The following GFRA3 variants were observed in gnomAD, a reference collection of about 807,000 sequenced individuals.
GFRA3 encodes the protein GDNF family receptor alpha-3.
Under a neutral mutation model 40.0 loss-of-function variants are expected in GFRA3, and 24 were observed. The ratio of observed to expected loss-of-function variants is 0.60; its 90% CI spans 0.43 to 0.84. The LOEUF (loss-of-function observed/expected upper bound fraction) is 0.84. Ranked by LOEUF, GFRA3 falls within the 40% of genes least tolerant of loss-of-function variation. The probability of loss-of-function intolerance (pLI) is 0.00; values close to 1 mark genes in which losing one functional copy is unlikely to be tolerated. For synonymous variants in GFRA3, 203 were observed against 213.5 expected, an observed-to-expected ratio of 0.95 and a Z score of 0.43; for missense variants, 405 against 530.6, an observed-to-expected ratio of 0.76 and a Z score of 2.33.
chr5:138,265,206 C>CTTT (rs56317441), intron 1 of GFRA3, among the ~76,000 whole-genome samples: 1 of 50,548 alleles, frequency 2.0e-5, no homozygotes, highest in Non-Finnish European at 3.4e-5. Flanking sequence ...TCTAGGAGAA[C>CTTT]TTTTTTTTTT....
chr5:138,258,203 G>C, intron 3 of GFRA3, among the ~76,000 whole-genome samples: 1 of 71,332 alleles, frequency 1.4e-5, no homozygotes, highest in African/African-American at 5.7e-5. Flanking sequence ...TTTTTGAGAC[G>C]GAGTTTTGCT....
Position 138,274,370 on chromosome 5 carries a change from G to A in GFRA3, c.55C>T (p.Leu19=), listed in dbSNP as rs1755919526. Residue 19 remains leucine, a synonymous_variant, in exon 1 of 8, where the codon CTG becomes TTG. Coordinates refer to ENST00000274721, the MANE Select transcript of GFRA3 (RefSeq NM_001496.4). ...PLPPVVLMLL[L]LLPPSPLPLA... is the part of the protein sequence containing the mutation. ...GGCAGCGGCGACGGCGGCAGCAGCA[G>A]CAGCAACATCAGGACTACGGGCGGC... is the stretch of plus-strand genomic sequence containing the variant. 1 of 1,333,692 alleles carries A rather than the reference G, an allele frequency of 7.5e-7. No individual in the cohort carries two copies. Among genetic ancestry groups the A allele is most frequent in the South Asian group, 2.4e-5 (1 of 42,476 alleles). 82.6% of individuals were successfully genotyped at this position (1,333,692 alleles called of 1,614,324 possible).
At position 138,253,789 on chromosome 5, in the gene GFRA3, A is replaced by G. The variant is rs772972248; in HGVS notation, c.1001T>C (p.Phe334Ser). Residue 334 changes from phenylalanine to serine, a missense_variant, in exon 6 of 8, where the codon TTC becomes TCC. By Grantham distance (155) the Phe-to-Ser change is radical. Coordinates refer to ENST00000274721, the MANE Select transcript of GFRA3 (RefSeq NM_001496.4). ...ACTGAGGCAGGGGTTGTGGGAGAAG[A>G]ACCCTTCCAGCATTTCACACTCCTC... ...LQEECEMLEG[F>S]FSHNPCLTEA... is the part of the protein sequence containing the mutation. The G allele has an allele frequency of 6.2e-7, 1 of 1,613,942 alleles. No homozygotes were observed. The highest frequency in any genetic ancestry group is 1.1e-5 in the South Asian group (1 of 91,062).
chr5:138,253,809 C>G lies in GFRA3; in HGVS notation c.981G>C (p.Glu327Asp). ...TCRGSGNLQE[E>D]CEMLEGFFSH... ...AGAAGAACCCTTCCAGCATTTCACACTCCTCCTGCAGGTTGCCACTGCCTC... is the reference window on the plus strand; with the variant it reads ...AGAAGAACCCTTCCAGCATTTCACAGTCCTCCTGCAGGTTGCCACTGCCTC... Residue 327 changes from glutamate (E) to aspartate (D), a missense_variant, in exon 6 of 8, where the codon GAG becomes GAC. Transcript: ENST00000274721. 6.2e-7 allele frequency: 1 copy of G among 1,614,072 alleles called. No individual in the cohort carries two copies. Among genetic ancestry groups the G allele is most frequent in the Non-Finnish European group, 8.5e-7 (1 of 1,179,958 alleles).
chr5:138,267,565 G>T, intron 1 of GFRA3: 1 of 205,246 alleles, frequency 4.9e-6, no homozygotes, highest in South Asian at 9.5e-5. Flanking sequence ...CAAGAAGGGT[G>T]GACTCCTTTT....
At position 138,252,732 on chromosome 5, in the gene GFRA3, A is replaced by C. The variant is rs1755566256; in HGVS notation, c.*236T>G. On this transcript the variant is annotated 3_prime_UTR_variant, in exon 8 of 8. Coordinates refer to ENST00000274721, the MANE Select transcript of GFRA3 (RefSeq NM_001496.4). Reference sequence around the variant, plus strand: ...GGGCTTGGTGGAGCTGGTCACCACCAGATGACATGGCTAAATTGTGGCCAC... The same window carrying C: ...GGGCTTGGTGGAGCTGGTCACCACCCGATGACATGGCTAAATTGTGGCCAC... The C allele has an allele frequency of 4.6e-6, 2 of 432,662 alleles. No homozygotes were observed. The highest frequency in any genetic ancestry group is 8.4e-6 in the Non-Finnish European group (2 of 237,262). The allele number at this position is 432,662 out of a possible 1,614,324, so 26.8% of individuals were successfully genotyped here.
intron 1 of GFRA3, among the ~76,000 whole-genome samples, chr5:138,269,252 G>GT (rs961410200): frequency 4.6e-5 from 7 of 151,894 alleles, no homozygotes; most frequent in African/African-American, 1.7e-4. Context: ...AGAGCTAAAA[G>GT]TAGTCTGGGC....
At position 138,257,907 on chromosome 5, in the gene GFRA3, C is replaced by T. The variant is rs867556640; in HGVS notation, c.517G>A (p.Asp173Asn). ...LKFAMLCTLN[D>N]KCDRLRKAYG... is the part of the protein sequence containing the mutation. ...GCCTTGCGCAGCCGGTCACACTTGT[C>T]ATTGAGAGTACACAGCATGGCAAAC... is the stretch of plus-strand genomic sequence containing the variant. Residue 173 changes from aspartate (D) to asparagine (N), a missense_variant, in exon 4 of 8, where the codon GAC becomes AAC. Coordinates refer to ENST00000274721, the MANE Select transcript of GFRA3 (RefSeq NM_001496.4). 6.2e-7 allele frequency: 1 copy of T among 1,614,112 alleles called. No individual in the cohort carries two copies. Among genetic ancestry groups the T allele is most frequent in the East Asian group, 2.2e-5 (1 of 44,882 alleles).
intron 2 of GFRA3, among the ~76,000 whole-genome samples, chr5:138,262,995 C>T (rs879344539): frequency 6.6e-6 from 1 of 151,580 alleles, no homozygotes; most frequent in Non-Finnish European, 1.5e-5. Flanking sequence ...GACAGAGTCT[C>T]GCTCTGTCGC....
At chr5:138,266,040 G>A (rs1279160760) in intron 1 of GFRA3, among the ~76,000 whole-genome samples, 2 of 152,070 alleles carry the variant, frequency 1.3e-5, no homozygotes, top group South Asian at 2.1e-4. Context: ...TCATTATATC[G>A]ATATGCTACA....
intron 2 of GFRA3, among the ~76,000 whole-genome samples, chr5:138,262,685 C>A (rs1020416373): frequency 6.6e-6 from 1 of 152,028 alleles, no homozygotes; most frequent in East Asian, 1.9e-4. Flanking sequence ...AACTCCTGGG[C>A]TTTAGGGATA....
At position 138,252,555 on chromosome 5, in the gene GFRA3, G is replaced by C. The variant is rs571518451; in HGVS notation, c.*413C>G. 6.1e-6 allele frequency: 1 copy of C among 163,170 alleles called. No homozygotes were observed. The highest frequency in any genetic ancestry group is 2.4e-5 in the African/African-American group (1 of 41,708). The allele number at this position is 163,170 out of a possible 1,614,324, so 10.1% of individuals were successfully genotyped here. ...TCCACTCAGAGGAGGAGACGAGGGG[G>C]CAGGAGCCTTCTTCACAAAGGAGAA... On this transcript the variant is annotated 3_prime_UTR_variant, in exon 8 of 8. Transcript: ENST00000274721.
At chr5:138,254,761 C>T (rs1380611332) in intron 4 of GFRA3, among the ~76,000 whole-genome samples, 2 of 152,038 alleles carry the variant, frequency 1.3e-5, no homozygotes, top group East Asian at 3.9e-4. Context: ...ATAGAGATGA[C>T]AGCAGCACTA....
chr5:138,259,814 G>A (rs79331745), intron 2 of GFRA3, among the ~76,000 whole-genome samples, 165 bp from the exon 3 acceptor site: 1,775 of 152,260 alleles, frequency 0.012, 45 homozygotes, highest in African/African-American at 0.041. Context: ...ATGCAGGGCC[G>A]TAAGGTATAG....
Position 138,274,613 on chromosome 5 carries a change from C to G in GFRA3, c.-189G>C. On this transcript the variant is annotated 5_prime_UTR_variant, in exon 1 of 8. Transcript: ENST00000274721. ...GCGCGTCCACACCACGCGCCTCCAG[C>G]GCTGGTCCGAGGGACCGCGGGGGTG... is the stretch of plus-strand genomic sequence containing the variant. 1 of 1,218,240 alleles carries G rather than the reference C, an allele frequency of 8.2e-7. No individual in the cohort carries two copies. Among genetic ancestry groups the G allele is most frequent in the South Asian group, 4.3e-5 (1 of 23,398 alleles). 75.5% of individuals were successfully genotyped at this position (1,218,240 alleles called of 1,614,324 possible). A position where few individuals can be genotyped will look rare whatever the true frequency, so the allele number is the denominator to read the frequency against.
rs140793388 is a variant in GFRA3, at chr5:138,252,978, C to T, written c.1193G>A (p.Ser398Asn). Residue 398 changes from serine to asparagine, a missense_variant, in exon 8 of 8, where the codon AGC becomes AAC. Physicochemically the swap from Ser to Asn is conservative, Grantham distance 46. Transcript: ENST00000274721. ...CCTGGGGAAGTCCAGCTACCATAGG[C>T]TCAGGAGCAGAATCAAGGGAAGCGT... is the stretch of plus-strand genomic sequence containing the variant. ...SCTLPLILLL[S>N]LW 1.3e-6 allele frequency: 2 copies of T among 1,596,382 alleles called. No homozygotes were observed. The highest frequency in any genetic ancestry group is 1.7e-6 in the Non-Finnish European group (2 of 1,164,470).
At chr5:138,268,284 G>GAAA (rs60958894) in intron 1 of GFRA3, among the ~76,000 whole-genome samples, 2 of 33,150 alleles carry the variant, frequency 6.0e-5, no homozygotes, top group Admixed American at 6.1e-4. Context: ...GACTCCATCT[G>GAAA]AAAAAAAAAA....
At chr5:138,264,700 G>A in intron 1 of GFRA3, 152 bp from the exon 2 acceptor site, 1 of 600,390 alleles carries the variant, frequency 1.7e-6, no homozygotes, top group Non-Finnish European at 2.9e-6. Context: ...TGTGGAGAGA[G>A]AGAGAAGCCC....
intron 4 of GFRA3, 27 bp from the exon 5 acceptor site, chr5:138,254,187 C>CTTTT (rs367624929): frequency 7.5e-6 from 7 of 938,620 alleles, no homozygotes; most frequent in Admixed American, 4.5e-5. Context: ...TTCTGTCTTT[C>CTTTT]TTTTTTTTTT....
Sources: gnomAD v4.1 joint callset for allele counts (sites outside exome capture counted in the v4.1 genomes callset) on GRCh38, gnomAD v4.1.1 for gene constraint, MANE v1.5 for transcripts, NCBI Gene and HGNC (gene_info 2026-07-23, HGNC 2026-07-21) for gene names.